CNOT1: variants seen among roughly 807,000 people sequenced by gnomAD.
CNOT1 encodes the protein CCR4-NOT transcription complex subunit 1.
Under a neutral mutation model 273.8 loss-of-function variants are expected in CNOT1, and 15 were observed. That is an observed-to-expected ratio of 0.05 (90% CI 0.04 to 0.08). The LOEUF is 0.08. Among genes scored for constraint, CNOT1 ranks in the 10% least tolerant of loss-of-function variants. The pLI is 1.00. For missense variants in CNOT1, 1,644 were observed against 2,912.2 expected (o/e 0.56, Z 10.02); for synonymous variants, 1,022 against 1,005.5 (o/e 1.02, Z -0.31).
chr16:58,578,106 C>T (rs907408267), intron 13 of CNOT1, among the ~76,000 whole-genome samples: 2 of 152,074 alleles, frequency 1.3e-5, no homozygotes, highest in African/African-American at 2.4e-5. Context: ...TAAGCTCCTT[C>T]GCATAAAAAG....
intron 24 of CNOT1, 76 bp from the exon 25 acceptor site, chr16:58,549,974 T>C (rs2040398019): frequency 1.9e-6 from 3 of 1,584,476 alleles, no homozygotes; most frequent in African/African-American, 1.4e-5. Flanking sequence ...TGAACCATAC[T>C]ATACAGCACA....
intron 2 of CNOT1, among the ~76,000 whole-genome samples, chr16:58,591,981 T>C (rs1054118027): frequency 2.0e-5 from 3 of 152,188 alleles, no homozygotes; most frequent in Non-Finnish European, 4.4e-5. Flanking sequence ...CACAATGTTT[T>C]ACTACAGCCA....
chr16:58,581,656 C>CTT, intron 10 of CNOT1, 141 bp from the exon 11 acceptor site: 1 of 1,276,386 alleles, frequency 7.8e-7, no homozygotes, highest in Non-Finnish European at 1.0e-6. Flanking sequence ...GAAACCCATT[C>CTT]TTTTTTTTTC....
At position 58,555,385 on chromosome 16, in the gene CNOT1, A is replaced by G. The variant is rs1567404146; in HGVS notation, c.2757T>C (p.Gly919=). ...AAGTGACCAGTCCTTTCTCAATTAT[A>G]CCACCAAATAGGCAGGCTGTTATAT... The part of the protein sequence containing the change: ...ELHITACLFG[G]IIEKGLVTYM... Residue 919 remains glycine, a synonymous_variant, in exon 21 of 49, where the codon GGT becomes GGC. Coordinates refer to ENST00000317147, the MANE Select transcript of CNOT1 (RefSeq NM_016284.5). The G allele has an allele frequency of 1.2e-6, 2 of 1,614,204 alleles. No homozygotes were observed. Among genetic ancestry groups the G allele is most frequent in the Non-Finnish European group, 1.7e-6 (2 of 1,180,040 alleles).
intron 47 of CNOT1, among the ~76,000 whole-genome samples, chr16:58,521,702 A>G (rs927461031): frequency 2.0e-5 from 3 of 152,100 alleles, no homozygotes; most frequent in Non-Finnish European, 4.4e-5. Context: ...CCTGTAATCC[A>G]GCACTTTGGG....
intron 12 of CNOT1, among the ~76,000 whole-genome samples, chr16:58,579,694 T>A (rs1421237362): frequency 1.3e-5 from 2 of 152,204 alleles, no homozygotes; most frequent in Non-Finnish European, 1.5e-5. Flanking sequence ...CATTATGAAC[T>A]AGATCCCTTT....
In CNOT1 at chr16:58,521,321, GA is replaced by G; in HGVS notation, c.6918-5del. On this transcript the variant is annotated splice_region_variant and splice_polypyrimidine_tract_variant and intron_variant, in intron 47 of 48. Coordinates refer to ENST00000317147, the MANE Select transcript of CNOT1 (RefSeq NM_016284.5). ...AATCAACCGTTCCAAGAGAACTCTG[GA>G]AAAAGGGAGAAAGAGCTAGTTAATG... 3.1e-6 allele frequency: 5 copies of G among 1,594,330 alleles called. No homozygotes were observed. The highest frequency in any genetic ancestry group is 4.3e-6 in the Non-Finnish European group (5 of 1,175,028).
chr16:58,571,408 A>C (rs2041269293), intron 16 of CNOT1, among the ~76,000 whole-genome samples: 1 of 151,926 alleles, frequency 6.6e-6, no homozygotes, highest in Non-Finnish European at 1.5e-5. Flanking sequence ...GTACAAAAAA[A>C]AATTAGCTGG....
chr16:58,530,162 A>T, intron 43 of CNOT1, 84 bp downstream of exon 43: 1 of 1,153,294 alleles, frequency 8.7e-7, no homozygotes. Context: ...GGCTTAATAA[A>T]AACAAAATAA....
chr16:58,621,226 G>C (rs2043299835), intron 1 of CNOT1, among the ~76,000 whole-genome samples: 1 of 152,064 alleles, frequency 6.6e-6, no homozygotes, highest in Non-Finnish European at 1.5e-5. Context: ...CCTCCCAAAA[G>C]TGTTAGGATT....
chr16:58,613,359 ATC>A lies in CNOT1; in HGVS notation c.-174-13850_-174-13849del, dbSNP rs2042965344. Among the ~76,000 whole-genome samples, 2 of 87,546 alleles carry A rather than the reference ATC, an allele frequency of 2.3e-5. 1 individual carries two copies. Among genetic ancestry groups the A allele is most frequent in the Admixed American group, 2.2e-4 (2 of 8,970 alleles). The allele number at this position is 87,546 out of a possible 152,430, so 57.4% of individuals were successfully genotyped here. A position where few individuals can be genotyped will look rare whatever the true frequency, so the allele number is the denominator to read the frequency against. Reference sequence around the variant, plus strand: ...GAGGTTAAGTCTAAAACAAGCAAAAATCCTTTCAAAATCGATTTGTACAAGTC... The same window carrying A: ...GAGGTTAAGTCTAAAACAAGCAAAAACTTTCAAAATCGATTTGTACAAGTC... On this transcript the variant is annotated intron_variant, in intron 1 of 48. Transcript: ENST00000317147.
intron 19 of CNOT1, 38 bp from the exon 20 acceptor site, chr16:58,555,946 C>A: frequency 6.2e-7 from 1 of 1,603,278 alleles, no homozygotes; most frequent in Non-Finnish European, 8.5e-7. Context: ...GGCATTTAAG[C>A]CCTTCCTCCA....
intron 1 of CNOT1, among the ~76,000 whole-genome samples, chr16:58,599,761 G>A (rs1368965113): frequency 6.6e-6 from 1 of 152,042 alleles, no homozygotes; most frequent in Non-Finnish European, 1.5e-5. Context: ...ATTAGGCAGG[G>A]CAAGTATAAA....
At position 58,551,892 on chromosome 16, in the gene CNOT1, G is replaced by A. The variant is rs543701366; in HGVS notation, c.2971-73C>T. The A allele has an allele frequency of 2.2e-5, 34 of 1,575,390 alleles. 1 individual carries two copies. In the Admixed American group the frequency reaches 5.2e-4, roughly 24 times the overall value. On this transcript the variant is annotated intron_variant, in intron 22 of 48. Coordinates refer to ENST00000317147, the MANE Select transcript of CNOT1 (RefSeq NM_016284.5). ...TGGATTATACGTCCCTCTTTTCTGA[G>A]AGGGTAAAAAACATGTCTGAGTGCT...
intron 1 of CNOT1, among the ~76,000 whole-genome samples, chr16:58,606,721 T>C (rs1233870609): frequency 2.0e-5 from 3 of 151,864 alleles, no homozygotes; most frequent in African/African-American, 4.8e-5. Context: ...GGAGAATCGC[T>C]TGAACATGGG....
In CNOT1 at chr16:58,627,403, C is replaced by CAAAAAAAA. The variant is rs754338444; in HGVS notation, c.-175+2317_-175+2324dup. On this transcript the variant is annotated intron_variant, in intron 1 of 48. Coordinates refer to ENST00000317147, the MANE Select transcript of CNOT1 (RefSeq NM_016284.5). ...CTGGTGACAGAGCGAGACTCCATCT[C>CAAAAAAAA]AAAAAAAAAAAAAAAAAAAAAGTTT... Among the ~76,000 whole-genome samples, 102 of 65,096 alleles carry CAAAAAAAA rather than the reference C, an allele frequency of 1.6e-3. 6 individuals are homozygous for CAAAAAAAA. Among genetic ancestry groups the CAAAAAAAA allele is most frequent in the African/African-American group, 2.9e-3 (41 of 13,964 alleles). 42.7% of individuals were successfully genotyped at this position (65,096 alleles called of 152,430 possible). A position where few individuals can be genotyped will look rare whatever the true frequency, so the allele number is the denominator to read the frequency against.
Position 58,583,157 on chromosome 16 carries a change from C to G in CNOT1, c.832G>C (p.Val278Leu). The change falls in exon 9 of 49, where the codon GTG (valine) becomes CTG (leucine). Residue 278 changes from valine to leucine, a missense_variant. This residue lies in a region of CNOT1 where 706 missense variants were observed against 1,021.2 expected (regional missense o/e 0.69). Coordinates refer to ENST00000317147, the MANE Select transcript of CNOT1 (RefSeq NM_016284.5). ...ASIEECRNIIVQFGVREVTAA... is the reference protein window; with the variant it reads ...ASIEECRNIILQFGVREVTAA... ...GTGACCTCCCGAACACCAAACTGCA[C>G]GATTATATTGCGACATTCTTCAATA... 6.2e-7 allele frequency: 1 copy of G among 1,613,838 alleles called. No homozygotes were observed. The highest frequency in any genetic ancestry group is 1.7e-5 in the Admixed American group (1 of 59,978).
rs1391002747 is a variant in CNOT1, at chr16:58,520,177, T to G, written c.*781A>C. ...GGGGTAATGGGGGAGAACAATTAAT[T>G]AATGAGATTTGGTTCCCTTTCCTAT... On this transcript the variant is annotated 3_prime_UTR_variant, in exon 49 of 49. Coordinates refer to ENST00000317147, the MANE Select transcript of CNOT1 (RefSeq NM_016284.5). 1 of 152,122 alleles carries G rather than the reference T, an allele frequency of 6.6e-6. No individual in the cohort carries two copies. The highest frequency in any genetic ancestry group is 2.4e-5 in the African/African-American group (1 of 41,412). The allele number at this position is 152,122 out of a possible 1,614,324, so 9.4% of individuals were successfully genotyped here. A position where few individuals can be genotyped will look rare whatever the true frequency, so the allele number is the denominator to read the frequency against.
chr16:58,573,740 CAA>C (rs1162820693), intron 16 of CNOT1, among the ~76,000 whole-genome samples: 1 of 152,064 alleles, frequency 6.6e-6, no homozygotes, highest in Admixed American at 6.6e-5. Flanking sequence ...CTCGGCCTCC[CAA>C]AGTGCTGGGA....
Sources: gnomAD v4.1 joint callset for allele counts (sites outside exome capture counted in the v4.1 genomes callset) on GRCh38, gnomAD v4.1.1 for gene constraint, gnomAD v4.1.1 regional missense constraint, MANE v1.5 for transcripts, NCBI Gene and HGNC (gene_info 2026-07-23, HGNC 2026-07-21) for gene names.